Variants in RUVBL1 observed in about 807,000 individuals in gnomAD.
RUVBL1 encodes ruvB-like 1.
Under a neutral mutation model 52.4 loss-of-function variants are expected in RUVBL1, and 4 were observed. That is an observed-to-expected ratio of 0.08 (90% CI 0.04 to 0.17). The LOEUF (loss-of-function observed/expected upper bound fraction) is 0.17. Among genes scored for constraint, RUVBL1 ranks in the 10% least tolerant of loss-of-function variants. RUVBL1 has a pLI of 1.00. For missense variants in RUVBL1, 298 were observed against 572.8 expected, an observed-to-expected ratio of 0.52 and a Z score of 4.90; for synonymous variants, 217 against 214.4, an observed-to-expected ratio of 1.01 and a Z score of -0.10.
intron 2 of RUVBL1, among the ~76,000 whole-genome samples, chr3:128,118,076 G>T (rs1013437839): frequency 2.0e-5 from 3 of 152,104 alleles, no homozygotes; most frequent in African/African-American, 7.2e-5. Flanking sequence ...CAAACTTCTA[G>T]AAGAAATTTC....
chr3:128,088,080 G>A (rs1032387429), intron 8 of RUVBL1, among the ~76,000 whole-genome samples: 2 of 152,008 alleles, frequency 1.3e-5, no homozygotes, highest in Non-Finnish European at 2.9e-5. Flanking sequence ...TGGCCAACAT[G>A]TTGAAACCCC....
chr3:128,123,840 C>G, upstream of RUVBL1: 1 of 1,368,056 alleles, frequency 7.3e-7, no homozygotes, highest in South Asian at 1.7e-5. Flanking sequence ...CCCGCCTAGA[C>G]CGGCTTTCCA....
chr3:128,110,251 A>C (rs1197078764), intron 3 of RUVBL1, among the ~76,000 whole-genome samples: 1 of 152,166 alleles, frequency 6.6e-6, no homozygotes, highest in African/African-American at 2.4e-5. Context: ...ACACCACTGC[A>C]CTTTAGCCTG....
intron 1 of RUVBL1, among the ~76,000 whole-genome samples, chr3:128,150,719 TTATATATTCTA>T (rs1361586169): frequency 1.6e-5 from 2 of 123,338 alleles, no homozygotes; most frequent in African/African-American, 3.1e-5. Context: ...ATTCTATATA[TTATATATTCTA>T]TATATATTCT....
At chr3:128,080,343 G>A (rs1367358062), downstream of RUVBL1, among the ~76,000 whole-genome samples, 1 of 152,174 alleles carries the variant, frequency 6.6e-6, no homozygotes, top group Non-Finnish European at 1.5e-5. Flanking sequence ...GTTCTCTAGA[G>A]GTGAGCATAA....
intron 1 of RUVBL1, among the ~76,000 whole-genome samples, chr3:128,153,009 TTCG>T (rs1944273494): frequency 2.1e-5 from 1 of 47,808 alleles, no homozygotes; most frequent in Non-Finnish European, 3.9e-5. Flanking sequence ...CCCGCCCCCC[TTCG>T]CCCCCCCATG....
chr3:128,067,304 A>T lies in RUVBL1; in HGVS notation c.940-2084T>A, dbSNP rs1942010621. Reference sequence around the variant, plus strand: ...ATTAAATTATCTTTTCAGTAAAAAAATTGTACTGTGGGCACCGAGTAAAAT... The same window carrying T: ...ATTAAATTATCTTTTCAGTAAAAAATTTGTACTGTGGGCACCGAGTAAAAT... On this transcript the variant is annotated intron_variant, in intron 9 of 9. Coordinates refer to the RUVBL1 transcript ENST00000464873. The surrounding 1 kb of genome is among the most constrained non-coding windows in gnomAD (Gnocchi z 4.1). The T allele has an allele frequency of 2.3e-6, 3 of 1,315,992 alleles. No homozygotes were observed. The highest frequency in any genetic ancestry group is 2.3e-5 in the East Asian group (1 of 43,304). The allele number at this position is 1,315,992 out of a possible 1,614,324, so 81.5% of individuals were successfully genotyped here.
rs565711771 is a variant in RUVBL1 at position 128,153,683 on chromosome 3, C to A, written c.-520G>T. 1.3e-6 allele frequency: 2 copies of A among 1,592,972 alleles called. No homozygotes were observed. The highest frequency in any genetic ancestry group is 1.7e-6 in the Non-Finnish European group (2 of 1,176,856). On this transcript the variant is annotated 5_prime_UTR_variant, in exon 1 of 10. Coordinates refer to the RUVBL1 transcript ENST00000464873. ...CTGGGCTTCTCGTGCTTCTCGGTGC[C>A]GCTGCCCGCGCGCCTGCGGTCGTCT...
At chr3:128,112,727 G>C (rs965952244) in intron 3 of RUVBL1, among the ~76,000 whole-genome samples, 161 bp downstream of exon 3, 1 of 152,152 alleles carries the variant, frequency 6.6e-6, no homozygotes, top group African/African-American at 2.4e-5. Context: ...AGAAAAACTG[G>C]GGTTTTGTTT....
intron 4 of RUVBL1, among the ~76,000 whole-genome samples, chr3:128,103,519 C>T (rs1287174525): frequency 6.6e-6 from 1 of 152,156 alleles, no homozygotes; most frequent in Non-Finnish European, 1.5e-5. Context: ...CTCAGAGAAT[C>T]AAAGAACCAT....
chr3:128,065,543 T>A (rs560994188), intron 9 of RUVBL1, among the ~76,000 whole-genome samples: 3 of 152,142 alleles, frequency 2.0e-5, no homozygotes, highest in African/African-American at 7.2e-5. Flanking sequence ...TTTTTGATGG[T>A]CCACTTTGTA....
chr3:128,067,689 A>C lies in RUVBL1; in HGVS notation c.940-2469T>G. The C allele has an allele frequency of 8.5e-7, 1 of 1,174,924 alleles. No individual in the cohort carries two copies. The highest frequency in any genetic ancestry group is 1.2e-6 in the Non-Finnish European group (1 of 817,740). The allele number at this position is 1,174,924 out of a possible 1,614,324, so 72.8% of individuals were successfully genotyped here. On this transcript the variant is annotated intron_variant, in intron 9 of 9. Coordinates refer to the RUVBL1 transcript ENST00000464873. The surrounding 1 kb of genome is among the most constrained non-coding windows in gnomAD (Gnocchi z 4.1). ...AGGGGTGTGGACTTGTCACCTCATC[A>C]TAAATAATGGTCTGTGACGTGTGCA...
At chr3:128,106,553 C>G (rs1191858266) in intron 3 of RUVBL1, among the ~76,000 whole-genome samples, 1 of 152,150 alleles carries the variant, frequency 6.6e-6, no homozygotes, top group African/African-American at 2.4e-5. Flanking sequence ...CACGGCAATG[C>G]CATAACTTGC....
At chr3:128,119,993 G>C (rs1943607158) in intron 1 of RUVBL1, among the ~76,000 whole-genome samples, 1 of 152,206 alleles carries the variant, frequency 6.6e-6, no homozygotes, top group Non-Finnish European at 1.5e-5. Context: ...CCACTGAAAA[G>C]GTCTTGAAGA....
chr3:128,112,836 A>G, intron 3 of RUVBL1, 52 bp downstream of exon 3: 1 of 1,593,676 alleles, frequency 6.3e-7, no homozygotes. Context: ...GCTTCGGTGC[A>G]CAGGCTTCAG....
downstream of RUVBL1, among the ~76,000 whole-genome samples, chr3:128,079,765 CT>C (rs1942420868): frequency 6.6e-6 from 1 of 152,246 alleles, no homozygotes; most frequent in Admixed American, 6.5e-5. Context: ...TCTCCGCCCC[CT>C]CCCACTGTCC....
At chr3:128,103,918 A>C (rs1943165658) in intron 4 of RUVBL1, among the ~76,000 whole-genome samples, 1 of 152,258 alleles carries the variant, frequency 6.6e-6, no homozygotes, top group Non-Finnish European at 1.5e-5. Context: ...GGCAAAGCCT[A>C]AAATCCAGAC....
Position 128,081,532 on chromosome 3 carries a change from G to T in RUVBL1, c.1212-123C>A. The T allele has an allele frequency of 1.0e-6, 1 of 984,610 alleles. No individual in the cohort carries two copies. The highest frequency in any genetic ancestry group is 1.5e-6 in the Non-Finnish European group (1 of 675,300). 61.0% of individuals were successfully genotyped at this position (984,610 alleles called of 1,614,324 possible). ...GCCCAGTGCTGGGCTTGTGCCAGCT[G>T]CTACGAACACAGAAAAGGGGAGACA... On this transcript the variant is annotated intron_variant, in intron 10 of 10. Coordinates refer to ENST00000322623, the MANE Select transcript of RUVBL1 (RefSeq NM_003707.3). The surrounding 1 kb of genome is among the most constrained non-coding windows in gnomAD (Gnocchi z 4.8).
At chr3:128,073,983 A>G (rs557113506) in intron 9 of RUVBL1, among the ~76,000 whole-genome samples, 14 of 152,250 alleles carry the variant, frequency 9.2e-5, no homozygotes, top group African/African-American at 3.4e-4. Context: ...ACAATAGCGT[A>G]TGCTACCATT....
Sources: gnomAD v4.1 joint callset for allele counts (sites outside exome capture counted in the v4.1 genomes callset) on GRCh38, gnomAD v4.1.1 for gene constraint, Gnocchi (gnomAD v3.1) non-coding constraint, MANE v1.5 for transcripts, NCBI Gene and HGNC (gene_info 2026-07-23, HGNC 2026-07-21) for gene names.